The following NPY1R variants were observed in gnomAD, a reference collection of about 807,000 sequenced individuals.
NPY1R encodes the protein neuropeptide Y receptor Y1, also known as neuropeptide Y receptor type 1.
Under a neutral mutation model 24.1 loss-of-function variants are expected in NPY1R, and 10 were observed. The observed-to-expected ratio is 0.42, with a 90% confidence interval of 0.26 to 0.71. NPY1R has a LOEUF of 0.71. Ranked by LOEUF, NPY1R falls within the 30% of genes least tolerant of loss-of-function variation. The pLI is 0.28. For missense variants in NPY1R, 350 were observed against 458.0 expected (o/e 0.76, Z 2.15); for synonymous variants, 168 against 165.9 (o/e 1.01, Z -0.10).
intron 1 of NPY1R, among the ~76,000 whole-genome samples, chr4:163,329,419 G>T (rs2081769618): frequency 6.6e-6 from 1 of 152,046 alleles, no homozygotes; most frequent in Admixed American, 6.6e-5. Flanking sequence ...TGGCCAACAT[G>T]GTGAAACCTT....
chr4:163,342,574 A>C (rs1735653106), intron 1 of NPY1R, among the ~76,000 whole-genome samples: 1 of 152,212 alleles, frequency 6.6e-6, no homozygotes, highest in South Asian at 2.1e-4. Flanking sequence ...GAAATAACAC[A>C]CAGAAGAATA....
chr4:163,340,471 T>C (rs1271050497), intron 1 of NPY1R, among the ~76,000 whole-genome samples: 1 of 152,078 alleles, frequency 6.6e-6, no homozygotes, highest in African/African-American at 2.4e-5. Context: ...TGGAAAACTT[T>C]AGCATCAGTA....
intron 1 of NPY1R, among the ~76,000 whole-genome samples, chr4:163,327,431 A>G (rs1310613278): frequency 6.6e-6 from 1 of 152,228 alleles, no homozygotes; most frequent in Non-Finnish European, 1.5e-5. Flanking sequence ...CAAGAGGTGC[A>G]CATTATTTTT....
chr4:163,340,406 A>G (rs971235267), intron 1 of NPY1R, among the ~76,000 whole-genome samples: 2 of 151,962 alleles, frequency 1.3e-5, no homozygotes, highest in African/African-American at 2.4e-5. Flanking sequence ...TTTTGAAATG[A>G]ATACATGAAA....
intron 1 of NPY1R, among the ~76,000 whole-genome samples, chr4:163,329,230 C>A (rs1291781417): frequency 6.6e-6 from 1 of 151,862 alleles, no homozygotes; most frequent in Non-Finnish European, 1.5e-5. Context: ...GTCTTGTGGG[C>A]AGAGAAAGAC....
chr4:163,334,318 T>C (rs1388800593), upstream of NPY1R, among the ~76,000 whole-genome samples: 1 of 152,268 alleles, frequency 6.6e-6, no homozygotes, highest in African/African-American at 2.4e-5. Flanking sequence ...GAATATAATT[T>C]GGACTCAGGT....
Position 163,324,461 on chromosome 4 carries a change from T to G in NPY1R, c.*842A>C, listed in dbSNP as rs917721806. On this transcript the variant is annotated 3_prime_UTR_variant, in exon 3 of 3. Transcript: ENST00000296533. ...AGCTTGACAAACACTGAACAGTCTG[T>G]AAAAAAAATGGAAAATCTCTTGACC... 1.3e-5 allele frequency: 2 copies of G among 151,822 alleles called. No homozygotes were observed. The highest frequency in any genetic ancestry group is 4.8e-5 in the African/African-American group (2 of 41,370). The allele number at this position is 151,822 out of a possible 1,614,324, so 9.4% of individuals were successfully genotyped here.
intron 1 of NPY1R, among the ~76,000 whole-genome samples, chr4:163,340,961 T>C (rs115605053): frequency 6.6e-6 from 1 of 152,122 alleles, no homozygotes; most frequent in Admixed American, 6.5e-5. Context: ...AGGAGCACAG[T>C]GTTTATCAGA....
upstream of NPY1R, among the ~76,000 whole-genome samples, chr4:163,334,881 A>G (rs1734802014): frequency 6.6e-6 from 1 of 151,702 alleles, no homozygotes; most frequent in East Asian, 1.9e-4. Flanking sequence ...AAAAAAAAAA[A>G]AGAAATGCTC....
chr4:163,336,150 A>G (rs1056546696), upstream of NPY1R, among the ~76,000 whole-genome samples: 5 of 152,200 alleles, frequency 3.3e-5, no homozygotes, highest in African/African-American at 4.8e-5. Flanking sequence ...CTTTCAGTAA[A>G]GTTCTCATTT....
Position 163,326,279 on chromosome 4 carries a change from C to T in NPY1R, c.276G>A (p.Met92Ile). ...LSFSDLLVAI[M>I]CLPFTFVYTL... is the part of the protein sequence containing the mutation. Reference sequence around the variant, plus strand: ...TGTAGACAAATGTAAAGGGGAGACACATGATGGCAACAAGCAAGTCTGAGA... The same window carrying T: ...TGTAGACAAATGTAAAGGGGAGACATATGATGGCAACAAGCAAGTCTGAGA... The change falls in exon 2 of 3, where the codon ATG (methionine) becomes ATA (isoleucine). Residue 92 changes from methionine (M) to isoleucine (I), a missense_variant. Physicochemically the swap from Met to Ile is conservative, Grantham distance 10. Transcript: ENST00000296533. 3 of 1,614,128 alleles carry T rather than the reference C, an allele frequency of 1.9e-6. No individual in the cohort carries two copies. Among genetic ancestry groups the T allele is most frequent in the Non-Finnish European group, 2.5e-6 (3 of 1,179,992 alleles).
chr4:163,341,304 C>T (rs1328563443), intron 1 of NPY1R, among the ~76,000 whole-genome samples: 1 of 151,972 alleles, frequency 6.6e-6, no homozygotes, highest in Admixed American at 6.6e-5. Flanking sequence ...AACATTTACC[C>T]TTAAGGAATA....
In NPY1R at chr4:163,325,439, A is replaced by T; in HGVS notation, c.1019T>A (p.Phe340Tyr). Reference sequence around the variant, plus strand: ...TTCATAATCATCATCCCGAGACCGGAAATCACAAAAGTTGAAGAAGAACTG... The same window carrying T: ...TTCATAATCATCATCCCGAGACCGGTAATCACAAAAGTTGAAGAAGAACTG... ...DLQFFFNFCD[F>Y]RSRDDDYETI... is the part of the protein sequence containing the mutation. The change falls in exon 3 of 3, where the codon TTC (phenylalanine) becomes TAC (tyrosine). Residue 340 changes from phenylalanine to tyrosine, a missense_variant. Coordinates refer to ENST00000296533, the MANE Select transcript of NPY1R (RefSeq NM_000909.6). 6.2e-7 allele frequency: 1 copy of T among 1,614,138 alleles called. No individual in the cohort carries two copies. Among genetic ancestry groups the T allele is most frequent in the Non-Finnish European group, 8.5e-7 (1 of 1,179,998 alleles).
chr4:163,339,724 G>A (rs1734931444), intron 1 of NPY1R, among the ~76,000 whole-genome samples: 1 of 152,072 alleles, frequency 6.6e-6, no homozygotes, highest in Admixed American at 6.5e-5. Flanking sequence ...TACATTTTAT[G>A]CATAGTCTGC....
At chr4:163,327,872 C>T (rs1019939593) in intron 1 of NPY1R, among the ~76,000 whole-genome samples, 6 of 152,036 alleles carry the variant, frequency 3.9e-5, no homozygotes, top group East Asian at 3.8e-4. Flanking sequence ...ATATGTGAGA[C>T]GGAGTTTCTT....
rs5578 is a variant in NPY1R, at chr4:163,325,337, T to G, written c.1121A>C (p.Lys374Thr). ...TTCATTATCATCATTGTTGTTGATT[T>G]TTTTAAATGCGACTGGGCTTGCTTG... ...LKQASPVAFK[K>T]INNNDDNEKI The change falls in exon 3 of 3, where the codon AAA becomes ACA. Residue 374 changes from lysine (K) to threonine (T), a missense_variant. Lys to Thr is a moderately conservative substitution (Grantham distance 78, BLOSUM62 -1). Coordinates refer to ENST00000296533, the MANE Select transcript of NPY1R (RefSeq NM_000909.6). The G allele has an allele frequency of 6.3e-3, 10,083 of 1,611,318 alleles. 51 individuals are homozygous for G. The highest frequency in any genetic ancestry group is 8.0e-3 in the Middle Eastern group (48 of 6,036).
At chr4:163,334,544 T>C (rs912263591), upstream of NPY1R, among the ~76,000 whole-genome samples, 12 of 152,210 alleles carry the variant, frequency 7.9e-5, no homozygotes, top group African/African-American at 2.9e-4. Flanking sequence ...ATGACAACTT[T>C]ATGATACAAA....
At chr4:163,344,657 C>T (rs1203734566) in exon 1 of NPY1R, 1 of 152,254 alleles carries the variant, frequency 6.6e-6, no homozygotes, top group Non-Finnish European at 1.5e-5. Context: ...CAATAACAAA[C>T]ATCCATAGAA....
chr4:163,326,578 A>G lies in NPY1R; in HGVS notation c.-24T>C. The G allele has an allele frequency of 6.9e-7, 1 of 1,444,828 alleles. No individual in the cohort carries two copies. Among genetic ancestry groups the G allele is most frequent in the Non-Finnish European group, 9.5e-7 (1 of 1,047,124 alleles). 89.5% of individuals were successfully genotyped at this position (1,444,828 alleles called of 1,614,324 possible). On this transcript the variant is annotated 5_prime_UTR_variant, in exon 2 of 3. Coordinates refer to ENST00000296533, the MANE Select transcript of NPY1R (RefSeq NM_000909.6). ...ATTTTGATTGGTTTGGTTGTTATAG[A>G]TTATTTTAGACAAATGGACAGTATG... is the stretch of plus-strand genomic sequence containing the variant.
Sources: gnomAD v4.1 joint callset for allele counts (sites outside exome capture counted in the v4.1 genomes callset) on GRCh38, gnomAD v4.1.1 for gene constraint, MANE v1.5 for transcripts, NCBI Gene and HGNC (gene_info 2026-07-23, HGNC 2026-07-21) for gene names.